The following AK5 variants were observed in gnomAD, a reference collection of about 807,000 sequenced individuals.
AK5 encodes adenylate kinase 5, also known as adenylate kinase isoenzyme 5.
Under a neutral mutation model 69.5 loss-of-function variants are expected in AK5, and 27 were observed. The observed-to-expected ratio is 0.39, with a 90% CI of 0.29 to 0.54. The LOEUF is 0.54. AK5 is among the 20% of genes least tolerant of loss of function. The probability of loss-of-function intolerance (pLI) is 0.71; values close to 1 mark genes in which losing one functional copy is unlikely to be tolerated. For synonymous variants in AK5, 260 were observed against 244.4 expected, an observed-to-expected ratio of 1.06 and a Z score of -0.60; for missense variants, 531 against 700.4, an observed-to-expected ratio of 0.76 and a Z score of 2.73.
At chr1:77,374,534 G>A (rs1647189042) in intron 6 of AK5, among the ~76,000 whole-genome samples, 1 of 148,702 alleles carries the variant, frequency 6.7e-6, no homozygotes, top group South Asian at 2.1e-4. Context: ...GTACGACTTT[G>A]TTTTAAAGAA....
rs1654432901 is a variant in AK5, at chr1:77,470,850, TATATATATA to T, written c.1060-12466_1060-12458del. On this transcript the variant is annotated intron_variant, in intron 8 of 13. Transcript: ENST00000354567. ...GAATATATATATATATATATATATA[TATATATATA>T]TATATATATATATATATTTTTTTTT... is the stretch of plus-strand genomic sequence containing the variant. Among the ~76,000 whole-genome samples the T allele has an allele frequency of 6.7e-4, 10 of 14,842 alleles. 1 individual carries two copies. Among genetic ancestry groups the T allele is most frequent in the African/African-American group, 1.0e-3 (4 of 3,820 alleles). 9.7% of individuals were successfully genotyped at this position (14,842 alleles called of 152,430 possible).
intron 5 of AK5, among the ~76,000 whole-genome samples, chr1:77,323,684 A>G (rs17100319): frequency 0.059 from 9,054 of 152,284 alleles, 444 homozygotes; most frequent in East Asian, 0.2. Flanking sequence ...AGCCTTTTGG[A>G]AATTAACTCA....
At position 77,484,159 on chromosome 1, in the gene AK5, C is replaced by CAA. The variant is rs35490046; in HGVS notation, c.1102+815_1102+816dup. On this transcript the variant is annotated intron_variant, in intron 9 of 13. Transcript: ENST00000354567. ...TTGGCGACAGAGTGAGACTACGTCT[C>CAA]AAAAAAAAAAAAAAAAGTCTTGCAA... is the stretch of plus-strand genomic sequence containing the variant. Among the ~76,000 whole-genome samples the CAA allele has an allele frequency of 5.9e-3, 728 of 123,218 alleles. 7 individuals are homozygous for CAA. Among genetic ancestry groups the CAA allele is most frequent in the Non-Finnish European group, 9.3e-3 (547 of 59,084 alleles). 80.8% of individuals were successfully genotyped at this position (123,218 alleles called of 152,430 possible).
At chr1:77,285,339 C>A (rs937237439) in intron 1 of AK5, among the ~76,000 whole-genome samples, 1 of 151,760 alleles carries the variant, frequency 6.6e-6, no homozygotes. Flanking sequence ...ATTGGATGCC[C>A]GGGTAATTTT....
In AK5 at chr1:77,559,779, T is replaced by G. The variant is rs1445814206; in HGVS notation, c.*1109T>G. 1.3e-5 allele frequency: 2 copies of G among 152,376 alleles called. No individual in the cohort carries two copies. The highest frequency in any genetic ancestry group is 4.8e-5 in the African/African-American group (2 of 41,436). The allele number at this position is 152,376 out of a possible 1,614,324, so 9.4% of individuals were successfully genotyped here. A position where few individuals can be genotyped will look rare whatever the true frequency, so the allele number is the denominator to read the frequency against. ...TGTAAAATCAGAGCTGCTTATATAT[T>G]CTACTGGAATAACTGCATCTTCCAC... On this transcript the variant is annotated 3_prime_UTR_variant, in exon 14 of 14. Transcript: ENST00000354567.
chr1:77,540,980 C>G (rs1659237668), intron 13 of AK5, among the ~76,000 whole-genome samples: 1 of 151,962 alleles, frequency 6.6e-6, no homozygotes, highest in Non-Finnish European at 1.5e-5. Flanking sequence ...AATCTTGGCT[C>G]ACTGCAACCT....
intron 8 of AK5, among the ~76,000 whole-genome samples, chr1:77,469,594 T>C (rs1654339976): frequency 6.6e-6 from 1 of 152,184 alleles, no homozygotes; most frequent in Non-Finnish European, 1.5e-5. Flanking sequence ...AAACAACAGG[T>C]TCTGTATCTC....
chr1:77,353,600 C>G (rs925137305), intron 6 of AK5, among the ~76,000 whole-genome samples: 1 of 152,216 alleles, frequency 6.6e-6, no homozygotes, highest in Non-Finnish European at 1.5e-5. Context: ...ACTGCGCAGT[C>G]TTACTCTTGC....
chr1:77,472,309 G>T (rs893809836), intron 8 of AK5, among the ~76,000 whole-genome samples: 7 of 152,154 alleles, frequency 4.6e-5, no homozygotes, highest in Admixed American at 1.3e-4. Context: ...TCCTTTTGTG[G>T]TCGCAGGGTG....
chr1:77,531,760 C>G (rs1033555606), intron 12 of AK5, among the ~76,000 whole-genome samples: 2 of 152,106 alleles, frequency 1.3e-5, no homozygotes, highest in Non-Finnish European at 2.9e-5. Flanking sequence ...GCGCCCTGCG[C>G]CCGCACTCCT....
At chr1:77,428,803 T>C (rs1485875537) in intron 8 of AK5, among the ~76,000 whole-genome samples, 1 of 152,076 alleles carries the variant, frequency 6.6e-6, no homozygotes, top group African/African-American at 2.4e-5. Context: ...CCTTCCTGTG[T>C]CCATGTGTTC....
intron 8 of AK5, among the ~76,000 whole-genome samples, chr1:77,469,020 C>T (rs1047150433): frequency 2.0e-5 from 3 of 152,180 alleles, no homozygotes; most frequent in African/African-American, 7.2e-5. Flanking sequence ...AAAGGATTTT[C>T]GAATATTGTT....
intron 8 of AK5, among the ~76,000 whole-genome samples, chr1:77,457,734 C>T (rs1472434218): frequency 6.6e-6 from 1 of 152,040 alleles, no homozygotes; most frequent in African/African-American, 2.4e-5. Flanking sequence ...AAAGTTTTCT[C>T]CTAAGTTTTG....
intron 10 of AK5, among the ~76,000 whole-genome samples, chr1:77,496,309 C>A (rs1404298632): frequency 6.6e-6 from 1 of 152,168 alleles, no homozygotes; most frequent in African/African-American, 2.4e-5. Context: ...GAAGACAAGG[C>A]AAAATCTGGG....
intron 10 of AK5, among the ~76,000 whole-genome samples, chr1:77,500,498 G>A (rs148706368): frequency 8.6e-4 from 131 of 152,242 alleles, no homozygotes; most frequent in Middle Eastern, 6.8e-3. Flanking sequence ...ACAAAAGAAG[G>A]CAAGGCACGG....
chr1:77,447,100 C>T (rs1238983431), intron 8 of AK5, among the ~76,000 whole-genome samples: 2 of 152,194 alleles, frequency 1.3e-5, no homozygotes, highest in Non-Finnish European at 2.9e-5. Flanking sequence ...CAGCTTTCCC[C>T]AAAGACTGAA....
At chr1:77,514,583 A>G (rs541817562) in intron 10 of AK5, among the ~76,000 whole-genome samples, 1 of 152,362 alleles carries the variant, frequency 6.6e-6, no homozygotes, top group South Asian at 2.1e-4. Flanking sequence ...GCTATTGTGT[A>G]GATTACTTAA....
intron 13 of AK5, among the ~76,000 whole-genome samples, chr1:77,546,443 CAT>C (rs1206629418): frequency 1.3e-5 from 2 of 152,202 alleles, no homozygotes; most frequent in South Asian, 2.1e-4. Flanking sequence ...AGGAAAAAGA[CAT>C]GTGCTTGTAA....
chr1:77,474,756 C>G (rs902226381), intron 8 of AK5, among the ~76,000 whole-genome samples: 6 of 152,114 alleles, frequency 3.9e-5, no homozygotes, highest in African/African-American at 9.7e-5. Flanking sequence ...TCTGGGTGAT[C>G]CTTTTTCTCC....
Sources: gnomAD v4.1 joint callset for allele counts (sites outside exome capture counted in the v4.1 genomes callset) on GRCh38, gnomAD v4.1.1 for gene constraint, MANE v1.5 for transcripts, NCBI Gene and HGNC (gene_info 2026-07-23, HGNC 2026-07-21) for gene names.